Variants in CELF2 observed in about 807,000 individuals in gnomAD.
The protein encoded by CELF2 is CUG triplet repeat RNA-binding protein 2.
CELF2 carries 8 observed loss-of-function variants against 62.6 expected under a neutral mutation model. The observed-to-expected ratio is 0.13, with a 90% CI of 0.07 to 0.23. CELF2 has a LOEUF of 0.23. Ranked by LOEUF, CELF2 falls within the 10% of genes least tolerant of loss-of-function variation. CELF2 has a pLI of 1.00. For synonymous variants in CELF2, 258 were observed against 250.0 expected (o/e 1.03, Z -0.30); for missense variants, 333 against 671.0 (o/e 0.50, Z 5.56).
chr10:11,306,377 G>A lies in CELF2; in HGVS notation c.977-7762G>A, dbSNP rs138958289. Among the ~76,000 whole-genome samples, 432 of 152,206 alleles carry A rather than the reference G, an allele frequency of 2.8e-3. 4 individuals carry two copies. Among genetic ancestry groups the A allele is most frequent in the African/African-American group, 9.9e-3 (410 of 41,518 alleles). On this transcript the variant is annotated intron_variant, in intron 9 of 12. Transcript: ENST00000633077. This position sits in a 1 kb window ranked among gnomAD's most constrained non-coding sequence, Gnocchi z 4.4. ...GTGGGAAGAATGCAGATGGTTGTCC[G>A]AGGCAGCATCTTGCCAGCCTGCCAG...
chr10:10,674,395 A>C, the CELF2 span, among the ~76,000 whole-genome samples: 1 of 152,086 alleles, frequency 6.6e-6, no homozygotes, highest in Non-Finnish European at 1.5e-5. Context: ...CTTACTTTTA[A>C]TCTGTATATA....
At chr10:10,602,414 C>A in the CELF2 span, among the ~76,000 whole-genome samples, 1 of 152,188 alleles carries the variant, frequency 6.6e-6, no homozygotes. Flanking sequence ...AACCATCAAA[C>A]TTTGTGCAAA....
At chr10:11,043,759 G>A (rs962619281) in intron 1 of CELF2, among the ~76,000 whole-genome samples, 9 of 152,112 alleles carry the variant, frequency 5.9e-5, no homozygotes, top group African/African-American at 2.2e-4. Flanking sequence ...GCCCCAGACC[G>A]AGTACACATG....
the CELF2 span, among the ~76,000 whole-genome samples, chr10:10,540,820 T>C: frequency 1.3e-5 from 2 of 152,192 alleles, no homozygotes; most frequent in Non-Finnish European, 2.9e-5. Context: ...CTGTGTTCTC[T>C]ACACTCATAC....
the CELF2 span, among the ~76,000 whole-genome samples, chr10:10,746,703 C>T: frequency 6.6e-5 from 10 of 152,010 alleles, no homozygotes; most frequent in South Asian, 2.1e-4. Context: ...TCGGAGATTT[C>T]GGTGGTATTG....
chr10:10,493,606 A>G, the CELF2 span, among the ~76,000 whole-genome samples: 1 of 150,806 alleles, frequency 6.6e-6, no homozygotes, highest in Non-Finnish European at 1.5e-5. Flanking sequence ...ATCTAGGCTC[A>G]CTGCAGCCTC....
intron 5 of CELF2, among the ~76,000 whole-genome samples, chr10:11,259,605 T>C (rs1360094317): frequency 6.6e-6 from 1 of 152,162 alleles, no homozygotes; most frequent in Non-Finnish European, 1.5e-5. Context: ...TCTGCGGTTT[T>C]TCACCTGTGC....
chr10:10,604,921 G>A, the CELF2 span, among the ~76,000 whole-genome samples: 8 of 152,018 alleles, frequency 5.3e-5, no homozygotes, highest in Admixed American at 2.6e-4. Flanking sequence ...CCATTACTGG[G>A]TACATACCCA....
chr10:11,144,540 G>A (rs1422098125), intron 1 of CELF2, among the ~76,000 whole-genome samples: 1 of 150,968 alleles, frequency 6.6e-6, no homozygotes, highest in Non-Finnish European at 1.5e-5. Context: ...GTTAAATGAA[G>A]GAAAGAAACT....
At chr10:10,565,063 C>A in the CELF2 span, among the ~76,000 whole-genome samples, 2 of 152,162 alleles carry the variant, frequency 1.3e-5, no homozygotes, top group African/African-American at 4.8e-5. Flanking sequence ...AATTTTTAAC[C>A]CAAATTGGCC....
rs1292216379 is a variant in CELF2, at chr10:11,331,956, A to G, written c.*2903A>G. On this transcript the variant is annotated 3_prime_UTR_variant, in exon 13 of 13. Transcript: ENST00000633077. Reference sequence around the variant, plus strand: ...ATTTTTTTCCCTGCATCTATCCTCTAAGTTGTTTCGGTTTGACTACTTTGT... The same window carrying G: ...ATTTTTTTCCCTGCATCTATCCTCTGAGTTGTTTCGGTTTGACTACTTTGT... 1.3e-5 allele frequency: 2 copies of G among 152,236 alleles called. No individual in the cohort carries two copies. Among genetic ancestry groups the G allele is most frequent in the Non-Finnish European group, 1.5e-5 (1 of 68,022 alleles). The allele number at this position is 152,236 out of a possible 1,614,324, so 9.4% of individuals were successfully genotyped here. A position where few individuals can be genotyped will look rare whatever the true frequency, so the allele number is the denominator to read the frequency against.
intron 1 of CELF2, among the ~76,000 whole-genome samples, chr10:11,025,737 A>G (rs1030431112): frequency 6.6e-6 from 1 of 152,242 alleles, no homozygotes; most frequent in African/African-American, 2.4e-5. Flanking sequence ...TTTTTGGATT[A>G]TTACCATTGT....
chr10:11,224,141 A>G lies in CELF2; in HGVS notation c.354+6634A>G, dbSNP rs560721707. Among the ~76,000 whole-genome samples the G allele has an allele frequency of 2.6e-5, 4 of 152,366 alleles. No individual in the cohort carries two copies. In the East Asian group the frequency reaches 7.7e-4, roughly 29 times the overall value. ...GTTGAAAATGCCAGCACAGGATTAC[A>G]GTAGGGAATAGCCACACCACTTTTG... On this transcript the variant is annotated intron_variant, in intron 3 of 12. Transcript: ENST00000633077. This position sits in a 1 kb window ranked among gnomAD's most constrained non-coding sequence, Gnocchi z 4.5.
chr10:10,649,525 T>C, the CELF2 span, among the ~76,000 whole-genome samples: 1 of 151,862 alleles, frequency 6.6e-6, no homozygotes, highest in Non-Finnish European at 1.5e-5. Flanking sequence ...ATCTTAGGGA[T>C]ACATCTCATA....
At chr10:10,818,457 C>T (rs951152632) in intron 1 of CELF2, among the ~76,000 whole-genome samples, 15 of 151,906 alleles carry the variant, frequency 9.9e-5, no homozygotes, top group African/African-American at 3.4e-4. Context: ...ACCTTACTTA[C>T]AGAAGCTGAT....
chr10:10,903,452 A>G (rs1181929158), intron 1 of CELF2, among the ~76,000 whole-genome samples: 3 of 152,170 alleles, frequency 2.0e-5, no homozygotes, highest in African/African-American at 4.8e-5. Flanking sequence ...AGCAAACCCA[A>G]TTGATGAAAA....
chr10:11,307,708 G>T (rs11814856), intron 9 of CELF2, among the ~76,000 whole-genome samples: 31,359 of 152,096 alleles, frequency 0.21, 4,837 homozygotes, highest in African/African-American at 0.44. Flanking sequence ...GCCTCCAGTT[G>T]TTTTGTGTTT....
the CELF2 span, among the ~76,000 whole-genome samples, chr10:10,585,883 T>C: frequency 6.6e-6 from 1 of 152,180 alleles, no homozygotes; most frequent in South Asian, 2.1e-4. Flanking sequence ...TTTACATACA[T>C]TGTAGAGAGA....
intron 2 of CELF2, among the ~76,000 whole-genome samples, chr10:10,953,982 G>T (rs900319663): frequency 1.3e-5 from 2 of 151,780 alleles, no homozygotes; most frequent in South Asian, 2.1e-4. Flanking sequence ...ACAGGAAAAG[G>T]TATTGAAATT....
Sources: allele counts gnomAD v4.1 joint callset (sites outside exome capture counted in the v4.1 genomes callset), GRCh38; gene constraint gnomAD v4.1.1; non-coding constraint Gnocchi (gnomAD v3.1); transcripts MANE v1.5; gene names NCBI Gene and HGNC (gene_info 2026-07-23, HGNC 2026-07-21).